HDAC9: variants seen among roughly 807,000 people sequenced by gnomAD.
HDAC9 encodes the protein histone deacetylase 9.
A neutral mutation model predicts 139.4 loss-of-function variants in HDAC9; 41 were observed. That is an observed-to-expected ratio of 0.29 (90% CI 0.23 to 0.38). The LOEUF (loss-of-function observed/expected upper bound fraction) is 0.38. Among genes scored for constraint, HDAC9 ranks in the 10% least tolerant of loss-of-function variants. HDAC9 has a pLI of 1.00. For synonymous variants in HDAC9, 517 were observed against 476.2 expected (o/e 1.09, Z -1.12); for missense variants, 1,147 against 1,297.0 (o/e 0.88, Z 1.78).
rs1266874369 is a variant in HDAC9, at chr7:18,829,157, A to G, written c.2323-4A>G. The G allele has an allele frequency of 6.2e-7, 1 of 1,610,474 alleles. No homozygotes were observed. Among genetic ancestry groups the G allele is most frequent in the East Asian group, 2.2e-5 (1 of 44,862 alleles). On this transcript the variant is annotated splice_polypyrimidine_tract_variant and splice_region_variant and intron_variant, in intron 17 of 25. Transcript: ENST00000686413. ...ACCATTGAAAACCTGTCTTGTTTTC[A>G]CAGAATGGGTTTGCTGTTGTGAGGC...
chr7:18,866,806 A>C (rs1288802217), intron 21 of HDAC9, among the ~76,000 whole-genome samples: 1 of 152,170 alleles, frequency 6.6e-6, no homozygotes, highest in Non-Finnish European at 1.5e-5. Context: ...GTAGCGTCTT[A>C]TGCCGTTCAC....
rs150903225 is a variant in HDAC9, at chr7:18,113,211, A to C, written c.-97+25998A>C. Among the ~76,000 whole-genome samples, 7 of 152,304 alleles carry C rather than the reference A, an allele frequency of 4.6e-5. 1 individual carries two copies. The East Asian group carries it at 1.3e-3, about 29-fold the overall frequency. ...ATAAGAAGGATGAGGTCAGGAAAAG[A>C]AGCTCAGAAAGATATCAGTTAATTT... is the stretch of plus-strand genomic sequence containing the variant. On this transcript the variant is annotated intron_variant, in intron 1 of 12. Coordinates refer to the HDAC9 transcript ENST00000417496.
chr7:18,826,742 G>C (rs62448069), intron 17 of HDAC9, among the ~76,000 whole-genome samples: 9,254 of 146,812 alleles, frequency 0.063, 496 homozygotes, highest in Middle Eastern at 0.15. Flanking sequence ...ATGAACTCTA[G>C]AGTCAGGTTG....
chr7:18,790,021 G>A (rs1989817), intron 16 of HDAC9, among the ~76,000 whole-genome samples: 97,047 of 151,946 alleles, frequency 0.64, 33,263 homozygotes, highest in Non-Finnish European at 0.78. Context: ...AAGTGGATAT[G>A]GATGTTCTTC....
chr7:18,534,294 G>C (rs1169955504), intron 2 of HDAC9, among the ~76,000 whole-genome samples: 1 of 152,160 alleles, frequency 6.6e-6, no homozygotes, highest in Non-Finnish European at 1.5e-5. Context: ...ATGGCTCACA[G>C]CTGTAATGCT....
chr7:18,893,562 A>G (rs962887933), intron 22 of HDAC9, among the ~76,000 whole-genome samples: 3 of 152,156 alleles, frequency 2.0e-5, no homozygotes, highest in Non-Finnish European at 4.4e-5. Flanking sequence ...TAATGAAACT[A>G]TGTATTTCAA....
chr7:18,932,759 CAGAGAAAGAG>C (rs1804859113), intron 22 of HDAC9, among the ~76,000 whole-genome samples: 1 of 145,528 alleles, frequency 6.9e-6, no homozygotes, highest in South Asian at 2.2e-4. Context: ...AAGAAAGTTT[CAGAGAAAGAG>C]AGAGAAAGAA....
At chr7:18,339,301 T>G (rs893731660) in intron 1 of HDAC9, among the ~76,000 whole-genome samples, 1 of 151,450 alleles carries the variant, frequency 6.6e-6, no homozygotes, top group African/African-American at 2.4e-5. Flanking sequence ...TTTCTTCAAC[T>G]TCCTTTGGGT....
At chr7:18,504,195 C>T (rs1422070058) in intron 2 of HDAC9, among the ~76,000 whole-genome samples, 2 of 152,174 alleles carry the variant, frequency 1.3e-5, no homozygotes, top group Non-Finnish European at 2.9e-5. Flanking sequence ...ATGATTTTTA[C>T]ATTAGGAACT....
intron 17 of HDAC9, among the ~76,000 whole-genome samples, chr7:18,824,579 A>G (rs934788489): frequency 1.3e-5 from 2 of 152,198 alleles, no homozygotes; most frequent in African/African-American, 4.8e-5. Context: ...TGATGTTGCT[A>G]TTGGTAATTA....
chr7:18,561,227 T>A (rs1039260213), intron 2 of HDAC9, among the ~76,000 whole-genome samples: 1 of 152,208 alleles, frequency 6.6e-6, no homozygotes, highest in Admixed American at 6.5e-5. Context: ...ATAGTATGTA[T>A]TGAATTTAAA....
intron 9 of HDAC9, among the ~76,000 whole-genome samples, chr7:18,645,046 A>AG (rs1786938805): frequency 6.6e-6 from 1 of 152,100 alleles, no homozygotes; most frequent in Non-Finnish European, 1.5e-5. Flanking sequence ...TTAAAAAAAA[A>AG]GCACTTTCCA....
chr7:18,397,085 G>T (rs973672008), intron 1 of HDAC9, among the ~76,000 whole-genome samples: 2 of 152,104 alleles, frequency 1.3e-5, no homozygotes, highest in Admixed American at 6.6e-5. Flanking sequence ...GGTATTGAGA[G>T]AATAGATTTA....
At chr7:18,547,331 G>C (rs890512716) in intron 2 of HDAC9, among the ~76,000 whole-genome samples, 1 of 152,298 alleles carries the variant, frequency 6.6e-6, no homozygotes, top group East Asian at 1.9e-4. Flanking sequence ...TGCCTCCCGG[G>C]TTCAGGCCAT....
At chr7:18,759,197 A>T (rs543686290) in intron 14 of HDAC9, among the ~76,000 whole-genome samples, 3 of 152,128 alleles carry the variant, frequency 2.0e-5, no homozygotes, top group Non-Finnish European at 4.4e-5. Flanking sequence ...TGACCGATTC[A>T]GCAGGTTTCT....
At chr7:18,507,501 T>C (rs923613540) in intron 2 of HDAC9, among the ~76,000 whole-genome samples, 3 of 151,374 alleles carry the variant, frequency 2.0e-5, no homozygotes, top group Non-Finnish European at 4.4e-5. Flanking sequence ...CTATTATTAT[T>C]ATTATTTTTT....
At chr7:18,679,909 TA>T (rs1217057945) in intron 12 of HDAC9, among the ~76,000 whole-genome samples, 7 of 151,994 alleles carry the variant, frequency 4.6e-5, no homozygotes, top group African/African-American at 1.7e-4. Flanking sequence ...GTCTCTAAGT[TA>T]AAAGTGCCTT....
chr7:18,640,081 A>AT (rs1785086854), intron 8 of HDAC9, among the ~76,000 whole-genome samples: 1 of 151,956 alleles, frequency 6.6e-6, no homozygotes, highest in Non-Finnish European at 1.5e-5. Flanking sequence ...CTATATCCAC[A>AT]TTTCTGTGAG....
At chr7:18,690,272 C>T (rs370972484) in intron 12 of HDAC9, among the ~76,000 whole-genome samples, 5 of 152,138 alleles carry the variant, frequency 3.3e-5, no homozygotes, top group East Asian at 1.9e-4. Flanking sequence ...CAAGATGCAA[C>T]GACTGCAATT....
Sources: allele counts gnomAD v4.1 joint callset (sites outside exome capture counted in the v4.1 genomes callset), GRCh38; gene constraint gnomAD v4.1.1; transcripts MANE v1.5; gene names NCBI Gene and HGNC (gene_info 2026-07-23, HGNC 2026-07-21).